Variants in FKBP9 observed in about 807,000 individuals in gnomAD.
FKBP9 encodes FKBP prolyl isomerase 9, also known as peptidyl-prolyl cis-trans isomerase FKBP9.
In FKBP9, 27 loss-of-function variants were observed where a neutral mutation model predicts 55.6. That is an observed-to-expected ratio of 0.49 (90% CI 0.36 to 0.67). The LOEUF (loss-of-function observed/expected upper bound fraction) is 0.67, where lower values mean the gene tolerates loss of function less well. Among genes scored for constraint, FKBP9 ranks in the 30% least tolerant of loss-of-function variants. The probability of loss-of-function intolerance (pLI) is 0.00; values close to 1 mark genes in which losing one functional copy is unlikely to be tolerated. For missense variants in FKBP9, 539 were observed against 742.8 expected, an observed-to-expected ratio of 0.73 and a Z score of 3.19; for synonymous variants, 267 against 296.5, an observed-to-expected ratio of 0.90 and a Z score of 1.02.
At chr7:32,966,879 G>A (rs1784156014) in intron 1 of FKBP9, among the ~76,000 whole-genome samples, 1 of 152,116 alleles carries the variant, frequency 6.6e-6, no homozygotes, top group Non-Finnish European at 1.5e-5. Flanking sequence ...ATCACCGAGG[G>A]GATGGCGCTA....
chr7:32,958,856 C>T lies in FKBP9; in HGVS notation c.221+1062C>T, dbSNP rs143353171. On this transcript the variant is annotated intron_variant, in intron 1 of 9. Transcript: ENST00000242209. Reference sequence around the variant, plus strand: ...TCTCTTCGTCCAGCACCAGGCTACTCCTCGCCAAGGCTTTTGTTACAAACC... The same window carrying T: ...TCTCTTCGTCCAGCACCAGGCTACTTCTCGCCAAGGCTTTTGTTACAAACC... 2.9e-3 allele frequency among the ~76,000 whole-genome samples: 441 copies of T among 152,312 alleles called. 4 individuals carry two copies. Among genetic ancestry groups the T allele is most frequent in the Middle Eastern group, 6.8e-3 (2 of 294 alleles).
rs565427325 is a variant in FKBP9 at position 33,000,466 on chromosome 7, C to T, written c.1372+206C>T. ...TGAGCCACGTCAATGCTCCATTACC[C>T]TCTTGAGAAAGAACCAGTTTGAGTG... On this transcript the variant is annotated intron_variant, in intron 8 of 9. Transcript: ENST00000242209. Among the ~76,000 whole-genome samples, 293 of 152,188 alleles carry T rather than the reference C, an allele frequency of 1.9e-3. 2 individuals carry two copies. Among genetic ancestry groups the T allele is most frequent in the African/African-American group, 6.9e-3 (288 of 41,518 alleles).
intron 1 of FKBP9, among the ~76,000 whole-genome samples, chr7:32,965,824 T>TATATATATATATGTGTACAC (rs1784128071): frequency 5.5e-4 from 10 of 18,216 alleles, no homozygotes; most frequent in South Asian, 4.1e-3. Context: ...TATATATATA[T>TATATATATATATGTGTACAC]ATATATATAT....
intron 7 of FKBP9, chr7:32,998,469 A>C (rs1469796079): frequency 6.6e-6 from 1 of 152,156 alleles, no homozygotes; most frequent in African/African-American, 2.4e-5. Context: ...ATCCTGGCAG[A>C]GCACTCAGGA....
chr7:32,966,190 C>CA (rs60022113), intron 1 of FKBP9, among the ~76,000 whole-genome samples: 62,700 of 76,360 alleles, frequency 0.82, 26,036 homozygotes, highest in Non-Finnish European at 0.9. Flanking sequence ...GACGCCATCT[C>CA]AAAAAAAAAA....
chr7:32,987,794 C>T (rs1053887346), intron 5 of FKBP9, among the ~76,000 whole-genome samples: 3 of 152,160 alleles, frequency 2.0e-5, no homozygotes, highest in Non-Finnish European at 2.9e-5. Context: ...CCACCACATC[C>T]AGCTAAGTTT....
At position 33,002,546 on chromosome 7, in the gene FKBP9, C is replaced by T. The variant is rs1784953158; in HGVS notation, c.1373-130C>T. 8 of 1,411,226 alleles carry T rather than the reference C, an allele frequency of 5.7e-6. No homozygotes were observed. In the South Asian group the frequency reaches 1.1e-4, roughly 20 times the overall value. The allele number at this position is 1,411,226 out of a possible 1,614,324, so 87.4% of individuals were successfully genotyped here. A position where few individuals can be genotyped will look rare whatever the true frequency, so the allele number is the denominator to read the frequency against. On this transcript the variant is annotated intron_variant, in intron 8 of 9. Coordinates refer to ENST00000242209, the MANE Select transcript of FKBP9 (RefSeq NM_007270.5). ...ACAGTGAGAAAGTGACTAGCCTCTG[C>T]TCCGCTTTCTTGCTTTGGTCAGAAG... is the stretch of plus-strand genomic sequence containing the variant.
rs1283798090 is a variant in FKBP9 at position 33,005,853 on chromosome 7, C to T, written c.*502C>T. The T allele has an allele frequency of 8.6e-6, 2 of 233,302 alleles. No individual in the cohort carries two copies. Among genetic ancestry groups the T allele is most frequent in the Non-Finnish European group, 1.7e-5 (2 of 118,366 alleles). The allele number at this position is 233,302 out of a possible 1,614,324, so 14.5% of individuals were successfully genotyped here. On this transcript the variant is annotated 3_prime_UTR_variant, in exon 10 of 10. Coordinates refer to ENST00000242209, the MANE Select transcript of FKBP9 (RefSeq NM_007270.5). ...TTCCCAGCAGACAGCCATGGCTCTT[C>T]CCAGCAGCCTGTGCAAATTCTGATG...
intron 1 of FKBP9, among the ~76,000 whole-genome samples, chr7:32,964,712 A>G (rs534219251): frequency 6.6e-6 from 1 of 152,222 alleles, no homozygotes; most frequent in South Asian, 2.1e-4. Context: ...CTCATTAGCT[A>G]CTGGTAGAGA....
intron 1 of FKBP9, among the ~76,000 whole-genome samples, chr7:32,964,869 TG>T (rs1229599148): frequency 6.6e-6 from 1 of 152,112 alleles, no homozygotes; most frequent in Non-Finnish European, 1.5e-5. Context: ...TCAGTCTCAG[TG>T]GTGAAACTCA....
chr7:32,957,755 A>G lies in FKBP9; in HGVS notation c.182A>G (p.Tyr61Cys). 3 of 1,491,488 alleles carry G rather than the reference A, an allele frequency of 2.0e-6. No homozygotes were observed. The highest frequency in any genetic ancestry group is 1.3e-5 in the South Asian group (1 of 76,848). The allele number at this position is 1,491,488 out of a possible 1,614,324, so 92.4% of individuals were successfully genotyped here. The change falls in exon 1 of 10, where the codon TAC (tyrosine) becomes TGC (cysteine). Residue 61 changes from tyrosine (Y) to cysteine (C), a missense_variant. Tyr to Cys is a radical substitution (Grantham distance 194, BLOSUM62 -2). Around this residue, in one of 4 missense-constraint regions of FKBP9, gnomAD observed 236 missense variants for 271.5 expected, o/e 0.87. Coordinates refer to ENST00000242209, the MANE Select transcript of FKBP9 (RefSeq NM_007270.5). ...VRSGDFVRYH[Y>C]VGTFPDGQKF... is the part of the protein sequence containing the mutation. ...AGCGGCGACTTCGTGCGCTACCACT[A>G]CGTGGGGACGTTCCCCGACGGCCAG... is the stretch of plus-strand genomic sequence containing the variant.
In FKBP9 at chr7:32,965,824, T is replaced by TATATATATATGTGTACAC. The variant is rs1310652872; in HGVS notation, c.221+8040_221+8041insGTGTACACATATATATAT. On this transcript the variant is annotated intron_variant, in intron 1 of 9. Transcript: ENST00000242209. ...AAAAAAAAAAAAAAATATATATATA[T>TATATATATATGTGTACAC]ATATATATATATATATATATGTGTG... is the stretch of plus-strand genomic sequence containing the variant. Among the ~76,000 whole-genome samples, 96 of 18,180 alleles carry TATATATATATGTGTACAC rather than the reference T, an allele frequency of 5.3e-3. 3 individuals are homozygous for TATATATATATGTGTACAC. Among genetic ancestry groups the TATATATATATGTGTACAC allele is most frequent in the South Asian group, 0.031 (15 of 486 alleles). The allele number at this position is 18,180 out of a possible 152,430, so 11.9% of individuals were successfully genotyped here.
chr7:32,987,013 T>C (rs13310453), intron 5 of FKBP9, among the ~76,000 whole-genome samples: 1 of 152,190 alleles, frequency 6.6e-6, no homozygotes, highest in Non-Finnish European at 1.5e-5. Flanking sequence ...AATCACTCAG[T>C]AGTTTACACA....
intron 1 of FKBP9, among the ~76,000 whole-genome samples, chr7:32,963,237 C>T (rs369176997): frequency 1.3e-5 from 2 of 151,018 alleles, no homozygotes; most frequent in African/African-American, 4.9e-5. Flanking sequence ...TGAGAGGCTC[C>T]AATATTTGGG....
At chr7:32,977,164 T>C (rs914716072) in intron 4 of FKBP9, among the ~76,000 whole-genome samples, 1 of 152,220 alleles carries the variant, frequency 6.6e-6, no homozygotes, top group Non-Finnish European at 1.5e-5. Context: ...ACACATAATA[T>C]TGACTGATAA....
chr7:32,973,975 A>G (rs1784306432), intron 1 of FKBP9, among the ~76,000 whole-genome samples: 1 of 151,678 alleles, frequency 6.6e-6, no homozygotes, highest in Admixed American at 6.6e-5. Flanking sequence ...TACAGGCGTG[A>G]GCCACTGCAC....
intron 1 of FKBP9, among the ~76,000 whole-genome samples, chr7:32,965,812 A>AAAAATAT (rs1554284289): frequency 5.7e-5 from 2 of 34,936 alleles, no homozygotes; most frequent in African/African-American, 2.4e-4. Flanking sequence ...AAAAAAAAAA[A>AAAAATAT]ATATATATAT....
Position 32,988,529 on chromosome 7 carries a change from G to A in FKBP9, c.916G>A (p.Asp306Asn). ...TAGCTACTCTCGGAACCGCACGTTT[G>A]ACACGTACATTGGGCAGGGCTACGT... ...DSSYSRNRTF[D>N]TYIGQGYVIP... Residue 306 changes from aspartate (D) to asparagine (N), a missense_variant, in exon 6 of 10, where the codon GAC becomes AAC. Around this residue, in one of 4 missense-constraint regions of FKBP9, gnomAD observed 172 missense variants for 205.3 expected, o/e 0.84. Transcript: ENST00000242209. 1 of 1,613,852 alleles carries A rather than the reference G, an allele frequency of 6.2e-7. No homozygotes were observed. The highest frequency in any genetic ancestry group is 8.5e-7 in the Non-Finnish European group (1 of 1,179,844).
chr7:32,972,423 T>C (rs1784271908), intron 1 of FKBP9, among the ~76,000 whole-genome samples: 2 of 152,076 alleles, frequency 1.3e-5, no homozygotes, highest in South Asian at 4.2e-4. Flanking sequence ...GTGGACTCTG[T>C]TGCTCGCCCA....
Sources: gnomAD v4.1 joint callset for allele counts (sites outside exome capture counted in the v4.1 genomes callset) on GRCh38, gnomAD v4.1.1 for gene constraint, gnomAD v4.1.1 regional missense constraint, MANE v1.5 for transcripts, NCBI Gene and HGNC (gene_info 2026-07-23, HGNC 2026-07-21) for gene names.